MYCBP2: variants seen among roughly 807,000 people sequenced by gnomAD.
The protein encoded by MYCBP2 is MYC binding protein 2, also known as E3 ubiquitin-protein ligase MYCBP2.
Under a neutral mutation model 525.3 loss-of-function variants are expected in MYCBP2, and 120 were observed. The ratio of observed to expected loss-of-function variants is 0.23; its 90% confidence interval spans 0.20 to 0.27. MYCBP2 has a LOEUF of 0.27. Ranked by LOEUF, MYCBP2 falls within the 10% of genes least tolerant of loss-of-function variation. The pLI, the probability that MYCBP2 is intolerant of heterozygous loss-of-function variation, is 1.00. For synonymous variants in MYCBP2, 1,894 were observed against 1,955.8 expected, an observed-to-expected ratio of 0.97 and a Z score of 0.83; for missense variants, 4,149 against 5,657.1, an observed-to-expected ratio of 0.73 and a Z score of 8.55.
intron 1 of MYCBP2, among the ~76,000 whole-genome samples, chr13:77,325,490 A>G (rs1271010093): frequency 2.6e-5 from 4 of 152,220 alleles, no homozygotes; most frequent in Admixed American, 1.3e-4. Flanking sequence ...AGCAAAAAAA[A>G]GCACCCACAT....
intron 4 of MYCBP2, among the ~76,000 whole-genome samples, chr13:77,274,017 C>T (rs1008975622): frequency 2.0e-4 from 31 of 152,084 alleles, no homozygotes; most frequent in African/African-American, 7.5e-4. Context: ...TAGGAGGCTT[C>T]TTAAAATGTT....
At position 77,288,338 on chromosome 13, in the gene MYCBP2, G is replaced by T. The variant is rs2077103581; in HGVS notation, c.417C>A (p.Ile139=). 3 of 1,613,872 alleles carry T rather than the reference G, an allele frequency of 1.9e-6. No homozygotes were observed. Among genetic ancestry groups the T allele is most frequent in the African/African-American group, 2.7e-5 (2 of 74,922 alleles). The change falls in exon 3 of 83, where the codon ATC becomes ATA. Residue 139 remains isoleucine, a synonymous_variant. Transcript: ENST00000544440. ...NLENTVIIPD[I]KLHSNPSAFN... The stretch of plus-strand genomic sequence containing the variant: ...AAGCAGAAGGATTGCTATGTAGTTT[G>T]ATATCTGGTATGATTACTGTATTCT...
chr13:77,197,234 A>T (rs2061848291), intron 26 of MYCBP2, among the ~76,000 whole-genome samples: 2 of 152,230 alleles, frequency 1.3e-5, no homozygotes, highest in African/African-American at 4.8e-5. Flanking sequence ...GGTAAGAGAG[A>T]GAATGGAGAC....
chr13:77,180,338 G>T lies in MYCBP2; in HGVS notation c.4942-20C>A, dbSNP rs762212345. The T allele has an allele frequency of 2.5e-6, 4 of 1,606,556 alleles. No homozygotes were observed. The Admixed American group carries it at 6.7e-5, about 27-fold the overall frequency. On this transcript the variant is annotated intron_variant, in intron 33 of 82. Transcript: ENST00000544440. Reference sequence around the variant, plus strand: ...TTCACTCTGCGATACATAAGAAAAAGTTCTAAGGTATTGTTTTATTTTCCT... The same window carrying T: ...TTCACTCTGCGATACATAAGAAAAATTTCTAAGGTATTGTTTTATTTTCCT...
At chr13:77,116,341 C>G (rs1248553310) in intron 55 of MYCBP2, among the ~76,000 whole-genome samples, 1 of 151,874 alleles carries the variant, frequency 6.6e-6, no homozygotes, top group Non-Finnish European at 1.5e-5. Context: ...AGGTGATATA[C>G]TAGTGGGATA....
intron 49 of MYCBP2, among the ~76,000 whole-genome samples, chr13:77,142,932 C>T (rs2054915579): frequency 6.6e-6 from 1 of 152,136 alleles, no homozygotes; most frequent in South Asian, 2.1e-4. Flanking sequence ...CTTCTGGTGC[C>T]AAGCATTTCA....
At chr13:77,325,733 G>C (rs572854988) in intron 1 of MYCBP2, among the ~76,000 whole-genome samples, 2 of 152,314 alleles carry the variant, frequency 1.3e-5, no homozygotes, top group South Asian at 2.1e-4. Context: ...AGAGGATGAA[G>C]AGAAATGGCC....
At chr13:77,143,879 A>G (rs1296701292) in intron 49 of MYCBP2, among the ~76,000 whole-genome samples, 3 of 152,334 alleles carry the variant, frequency 2.0e-5, no homozygotes, top group South Asian at 4.1e-4. Context: ...ATATCTAAAC[A>G]TATCTAAGCA....
intron 62 of MYCBP2, among the ~76,000 whole-genome samples, chr13:77,086,925 C>G (rs1448052262): frequency 4.6e-5 from 7 of 151,992 alleles, no homozygotes; most frequent in Admixed American, 3.9e-4. Flanking sequence ...TTTCTTCTTA[C>G]AATTTCTTCT....
intron 28 of MYCBP2, among the ~76,000 whole-genome samples, chr13:77,191,333 T>G (rs1264181405): frequency 6.6e-6 from 1 of 152,222 alleles, no homozygotes; most frequent in Admixed American, 6.5e-5. Context: ...CTATCAAATT[T>G]AATATCACAT....
chr13:77,326,482 T>C lies in MYCBP2; in HGVS notation c.294A>G (p.Pro98=). Residue 98 remains proline (P), a synonymous_variant, in exon 1 of 83, where the codon CCA becomes CCG. Transcript: ENST00000544440. The surrounding 1 kb of genome is among the most constrained non-coding windows in gnomAD (Gnocchi z 4.2). ...RDQGGGSAGH[P]ASRNKKILNK... ...GCACCCTGGGGACGCACCTGGAGGC[T>C]GGGTGTCCAGCGCTGCCGCCCCCCT... 6.3e-7 allele frequency: 1 copy of C among 1,576,078 alleles called. No individual in the cohort carries two copies. The highest frequency in any genetic ancestry group is 2.5e-5 in the East Asian group (1 of 40,654).
Position 77,257,844 on chromosome 13 carries a change from C to T in MYCBP2, c.2018-15G>A. On this transcript the variant is annotated splice_polypyrimidine_tract_variant and intron_variant, in intron 13 of 82. Coordinates refer to ENST00000544440, the MANE Select transcript of MYCBP2 (RefSeq NM_015057.5). ...AGTTACCAAACCTATAGGAAAGAAA[C>T]AAATTTAGTAAAAACAACAAAAAGG... 1.3e-6 allele frequency: 2 copies of T among 1,590,018 alleles called. No homozygotes were observed. Among genetic ancestry groups the T allele is most frequent in the Non-Finnish European group, 1.7e-6 (2 of 1,172,606 alleles).
At chr13:77,187,849 A>G (rs1287566653) in intron 30 of MYCBP2, among the ~76,000 whole-genome samples, 1 of 151,932 alleles carries the variant, frequency 6.6e-6, no homozygotes, top group East Asian at 1.9e-4. Flanking sequence ...GTTCGAGACC[A>G]GCCTGTTCGA....
intron 38 of MYCBP2, among the ~76,000 whole-genome samples, chr13:77,170,524 G>C (rs1172204182): frequency 2.0e-5 from 3 of 151,640 alleles, no homozygotes; most frequent in Non-Finnish European, 4.4e-5. Flanking sequence ...AGGTGGTTCT[G>C]ATGTTAAACT....
At chr13:77,175,378 A>AG (rs1266579287) in intron 36 of MYCBP2, among the ~76,000 whole-genome samples, 2 of 152,130 alleles carry the variant, frequency 1.3e-5, no homozygotes, top group Non-Finnish European at 2.9e-5. Context: ...AACAGACATG[A>AG]GAAAAAAAAC....
Position 77,126,272 on chromosome 13 carries a change from T to C in MYCBP2, c.7884+46A>G, listed in dbSNP as rs368325414. ...GAAGAGATGCTTTGGTTGTATTACA[T>C]TAAAAATGAGTATCTTAGAAGTCAT... On this transcript the variant is annotated intron_variant, in intron 53 of 82. Coordinates refer to ENST00000544440, the MANE Select transcript of MYCBP2 (RefSeq NM_015057.5). 7.2e-6 allele frequency: 11 copies of C among 1,532,514 alleles called. No homozygotes were observed. In the African/African-American group the frequency reaches 1.4e-4, roughly 19 times the overall value. The allele number at this position is 1,532,514 out of a possible 1,614,324, so 94.9% of individuals were successfully genotyped here.
chr13:77,058,266 C>T lies in MYCBP2; in HGVS notation c.13281G>A (p.Met4427Ile). The change falls in exon 78 of 83, where the codon ATG (methionine) becomes ATA (isoleucine). Residue 4427 changes from methionine to isoleucine, a missense_variant. Physicochemically the swap from Met to Ile is conservative, Grantham distance 10. Coordinates refer to ENST00000544440, the MANE Select transcript of MYCBP2 (RefSeq NM_015057.5). This position sits in a 1 kb window ranked among gnomAD's most constrained non-coding sequence, Gnocchi z 4.1. Reference protein sequence around the residue: ...ATSLKQDADDMCMICFTEALS... With the variant: ...ATSLKQDADDICMICFTEALS... Reference sequence around the variant, plus strand: ...GCGCTTCGGTGAAACATATCATGCACATGTCATCGGCGTCTTGCTTCAGGC... The same window carrying T: ...GCGCTTCGGTGAAACATATCATGCATATGTCATCGGCGTCTTGCTTCAGGC... 1 of 1,614,208 alleles carries T rather than the reference C, an allele frequency of 6.2e-7. No individual in the cohort carries two copies. The highest frequency in any genetic ancestry group is 8.5e-7 in the Non-Finnish European group (1 of 1,180,044).
intron 55 of MYCBP2, among the ~76,000 whole-genome samples, chr13:77,116,326 A>C (rs1036455795): frequency 6.6e-6 from 1 of 151,982 alleles, no homozygotes; most frequent in Non-Finnish European, 1.5e-5. Flanking sequence ...CATCTTCTAA[A>C]GCATAGGTGA....
intron 75 of MYCBP2, 22 bp from the exon 76 acceptor site, chr13:77,061,323 G>A: frequency 6.4e-7 from 1 of 1,565,296 alleles, no homozygotes. Flanking sequence ...TTAAAGAACA[G>A]GGAAAAATAT....
Sources: allele counts gnomAD v4.1 joint callset (sites outside exome capture counted in the v4.1 genomes callset), GRCh38; gene constraint gnomAD v4.1.1; non-coding constraint Gnocchi (gnomAD v3.1); transcripts MANE v1.5; gene names NCBI Gene and HGNC (gene_info 2026-07-23, HGNC 2026-07-21).